Variants in JAG2 observed in about 807,000 individuals in gnomAD.
JAG2 encodes protein jagged-2.
Under a neutral mutation model 141.7 loss-of-function variants are expected in JAG2, and 46 were observed. The observed-to-expected ratio is 0.32, with a 90% CI of 0.26 to 0.42. The LOEUF (loss-of-function observed/expected upper bound fraction) is 0.42, where lower values mean the gene tolerates loss of function less well. Ranked by LOEUF, JAG2 falls within the 10% of genes least tolerant of loss-of-function variation. The pLI is 1.00. For missense variants in JAG2, 1,500 were observed against 1,817.5 expected (o/e 0.83, Z 3.18); for synonymous variants, 862 against 763.5 (o/e 1.13, Z -2.13).
In JAG2 at chr14:105,149,072, A is replaced by G; in HGVS notation, c.1771T>C (p.Ser591Pro). The change falls in exon 14 of 26, where the codon TCA becomes CCA. Residue 591 changes from serine (S) to proline (P), a missense_variant. Coordinates refer to ENST00000331782, the MANE Select transcript of JAG2 (RefSeq NM_002226.5). ...CCAGGCATCCCAGGCCCCGCGTCTG[A>G]CCCGCAGCCATCGATCACTATGGCA... ...GACRVIDGCGSDAGPGMPGTA... is the reference protein window; with the variant it reads ...GACRVIDGCGPDAGPGMPGTA... 1 of 1,609,186 alleles carries G rather than the reference A, an allele frequency of 6.2e-7. No individual in the cohort carries two copies. Among genetic ancestry groups the G allele is most frequent in the Middle Eastern group, 1.8e-4 (1 of 5,622 alleles).
chr14:105,151,324 C>T lies in JAG2; in HGVS notation c.1226G>A (p.Cys409Tyr). 6.2e-7 allele frequency: 1 copy of T among 1,612,760 alleles called. No individual in the cohort carries two copies. The highest frequency in any genetic ancestry group is 8.5e-7 in the Non-Finnish European group (1 of 1,179,992). The part of the protein sequence containing the change: ...TCVDQVDGFE[C>Y]ICPEQWVGAT... ...CCCCACCCACTGCTCGGGGCAGATG[C>T]ACTCAAAGCCGTCCACCTGGTCCAC... The change falls in exon 9 of 26, where the codon TGC (cysteine) becomes TAC (tyrosine). Residue 409 changes from cysteine to tyrosine, a missense_variant. Transcript: ENST00000331782.
Position 105,167,560 on chromosome 14 carries a change from C to T in JAG2, c.417+197G>A, listed in dbSNP as rs1041165921. Among the ~76,000 whole-genome samples, 3 of 147,302 alleles carry T rather than the reference C, an allele frequency of 2.0e-5. No individual in the cohort carries two copies. The highest frequency in any genetic ancestry group is 7.3e-5 in the African/African-American group (3 of 40,920). ...CGCCGCGACCCCGCTCCCGGTGGCCCCGGGGCCCCGGCGCGCCCACGTGGC... is the reference window on the plus strand; with the variant it reads ...CGCCGCGACCCCGCTCCCGGTGGCCTCGGGGCCCCGGCGCGCCCACGTGGC... On this transcript the variant is annotated intron_variant, in intron 2 of 25. Transcript: ENST00000331782. This position sits in a 1 kb window ranked among gnomAD's most constrained non-coding sequence, Gnocchi z 4.8.
At chr14:105,144,319 C>T (rs986917319) in intron 24 of JAG2, among the ~76,000 whole-genome samples, 14 of 152,174 alleles carry the variant, frequency 9.2e-5, no homozygotes, top group Admixed American at 7.2e-4. Context: ...CCTGCCCCTA[C>T]TGCCCTTCCA....
rs1381078327 is a variant in JAG2 at position 105,154,791 on chromosome 14, C to T, written c.788+771G>A. Among the ~76,000 whole-genome samples, 1 of 152,106 alleles carries T rather than the reference C, an allele frequency of 6.6e-6. No individual in the cohort carries two copies. The highest frequency in any genetic ancestry group is 1.5e-5 in the Non-Finnish European group (1 of 68,004). ...AGGGCAGGCATCGCCTCTCCACATC[C>T]AGCTAACCCCGGCCCCGCCTGCTCC... On this transcript the variant is annotated intron_variant, in intron 5 of 25. Transcript: ENST00000331782. The surrounding 1 kb of genome is among the most constrained non-coding windows in gnomAD (Gnocchi z 4.4).
intron 5 of JAG2, 131 bp downstream of exon 5, chr14:105,155,431 G>A (rs1566766132): frequency 3.0e-6 from 3 of 1,003,902 alleles, no homozygotes; most frequent in Non-Finnish European, 4.7e-6. Flanking sequence ...CGAGCTCAGG[G>A]CCCGGCTCTC....
intron 2 of JAG2, among the ~76,000 whole-genome samples, chr14:105,161,060 C>A (rs1003622252): frequency 6.6e-6 from 1 of 151,614 alleles, no homozygotes; most frequent in Non-Finnish European, 1.5e-5. Flanking sequence ...TGAGGCTAAG[C>A]GAAGTGGGTG....
intron 23 of JAG2, among the ~76,000 whole-genome samples, chr14:105,145,370 G>A (rs1328959550): frequency 1.3e-5 from 2 of 152,292 alleles, no homozygotes; most frequent in East Asian, 1.9e-4. Context: ...TGGGAGACAG[G>A]GGCCCAGCTC....
chr14:105,144,169 C>A (rs1449608926), intron 24 of JAG2, among the ~76,000 whole-genome samples: 2 of 151,848 alleles, frequency 1.3e-5, no homozygotes, highest in Admixed American at 6.5e-5. Context: ...CCAGCCCCCA[C>A]CCCCACCTAT....
At position 105,150,660 on chromosome 14, in the gene JAG2, G is replaced by C. The variant is rs764287178; in HGVS notation, c.1546C>G (p.Leu516Val). Residue 516 changes from leucine to valine, a missense_variant, in exon 12 of 26, where the codon CTG becomes GTG. Leu to Val is a conservative substitution (Grantham distance 32, BLOSUM62 1). Around this residue, in one of 3 missense-constraint regions of JAG2, gnomAD observed 875 missense variants for 1,202.2 expected, o/e 0.73. Transcript: ENST00000331782. Reference sequence around the variant, plus strand: ...CAGTGGCAGTGGAAGCCGTCGGCCAGGTCCTCGCAGAGGCCGCCGCTGTGG... The same window carrying C: ...CAGTGGCAGTGGAAGCCGTCGGCCACGTCCTCGCAGAGGCCGCCGCTGTGG... ...PCHSGGLCED[L>V]ADGFHCHCPQ... is the part of the protein sequence containing the mutation. The C allele has an allele frequency of 6.5e-7, 1 of 1,550,170 alleles. No individual in the cohort carries two copies. The highest frequency in any genetic ancestry group is 8.7e-7 in the Non-Finnish European group (1 of 1,146,872).
intron 2 of JAG2, among the ~76,000 whole-genome samples, chr14:105,164,029 T>C (rs587610658): frequency 6.6e-6 from 1 of 152,022 alleles, no homozygotes; most frequent in Non-Finnish European, 1.5e-5. Flanking sequence ...AAAGACACCA[T>C]GGAGCAGCCC....
At position 105,142,822 on chromosome 14, in the gene JAG2, A is replaced by G; in HGVS notation, c.3590T>C (p.Leu1197Pro). 3 of 1,610,958 alleles carry G rather than the reference A, an allele frequency of 1.9e-6. No individual in the cohort carries two copies. The highest frequency in any genetic ancestry group is 2.5e-6 in the Non-Finnish European group (3 of 1,179,032). Residue 1197 changes from leucine to proline, a missense_variant, in exon 26 of 26, where the codon CTC becomes CCC. Physicochemically the swap from Leu to Pro is moderately conservative, Grantham distance 98. Transcript: ENST00000331782. ...EEDSLEAEKF[L>P]SHKFTKDPGR... is the part of the protein sequence containing the mutation. ...AGGATCTTTGGTGAATTTGTGTGAGAGGAACTTCTCCGCCTCCAGGGAGTC... is the reference window on the plus strand; with the variant it reads ...AGGATCTTTGGTGAATTTGTGTGAGGGGAACTTCTCCGCCTCCAGGGAGTC...
chr14:105,148,489 G>T, intron 15 of JAG2, 50 bp from the exon 16 acceptor site: 1 of 1,409,120 alleles, frequency 7.1e-7, no homozygotes, highest in Non-Finnish European at 9.9e-7. Flanking sequence ...GGCGCTCAGG[G>T]AGGGCTTCCC....
rs1422152305 is a variant in JAG2 at position 105,168,404 on chromosome 14, C to G, written c.17G>C (p.Arg6Pro). 3 of 987,474 alleles carry G rather than the reference C, an allele frequency of 3.0e-6. No homozygotes were observed. The highest frequency in any genetic ancestry group is 4.5e-5 in the Admixed American group (1 of 22,316). 61.2% of individuals were successfully genotyped at this position (987,474 alleles called of 1,614,324 possible). A position where few individuals can be genotyped will look rare whatever the true frequency, so the allele number is the denominator to read the frequency against. MRAQGRGRLPRRLLLL... is the reference protein window; with the variant it reads MRAQGPGRLPRRLLLL... ...CAGCAGCCGCCGGGGAAGGCGCCCC[C>G]GGCCCTGCGCCCGCATTGCCCCCGC... is the stretch of plus-strand genomic sequence containing the variant. The change falls in exon 1 of 26, where the codon CGG (arginine) becomes CCG (proline). Residue 6 changes from arginine (R) to proline (P), a missense_variant. By Grantham distance (103) the Arg-to-Pro change is moderately radical. Transcript: ENST00000331782.
At position 105,144,256 on chromosome 14, in the gene JAG2, A is replaced by T. The variant is rs373159921; in HGVS notation, c.3085-618T>A. Among the ~76,000 whole-genome samples, 205 of 135,544 alleles carry T rather than the reference A, an allele frequency of 1.5e-3. 1 individual carries two copies. Among genetic ancestry groups the T allele is most frequent in the African/African-American group, 5.6e-3 (196 of 34,894 alleles). The allele number at this position is 135,544 out of a possible 152,430, so 88.9% of individuals were successfully genotyped here. ...AACCCGGGGCTGTGCCCCTGCCTCC[A>T]CCACATCCCTGATGGCGCCCTGACC... On this transcript the variant is annotated intron_variant, in intron 24 of 25. Transcript: ENST00000331782.
At chr14:105,162,685 A>AGACCCAGGGCACCCCAGTACCAG (rs1566770206) in intron 2 of JAG2, among the ~76,000 whole-genome samples, 1 of 50,992 alleles carries the variant, frequency 2.0e-5, no homozygotes, top group African/African-American at 6.5e-5. Context: ...CTCAGGTCCA[A>AGACCCAGGGCACCCCAGTACCAG]GGCACCCAAA....
Position 105,167,591 on chromosome 14 carries a change from G to A in JAG2, c.417+166C>T, listed in dbSNP as rs1013822337. ...CCCCGGCGCGCCCACGTGGCCAGGCGCGGACCAAGTCCCCAGAGCACGCGC... is the reference window on the plus strand; with the variant it reads ...CCCCGGCGCGCCCACGTGGCCAGGCACGGACCAAGTCCCCAGAGCACGCGC... On this transcript the variant is annotated intron_variant, in intron 2 of 25. Coordinates refer to ENST00000331782, the MANE Select transcript of JAG2 (RefSeq NM_002226.5). The surrounding 1 kb of genome is among the most constrained non-coding windows in gnomAD (Gnocchi z 4.8). 2.0e-5 allele frequency among the ~76,000 whole-genome samples: 3 copies of A among 147,996 alleles called. No individual in the cohort carries two copies. Among genetic ancestry groups the A allele is most frequent in the Admixed American group, 1.3e-4 (2 of 14,922 alleles).
Position 105,162,790 on chromosome 14 carries a change from CCCAAAGCT to C in JAG2, c.417+4959_417+4966del, listed in dbSNP as rs1289516236. Among the ~76,000 whole-genome samples, 1,059 of 142,160 alleles carry C rather than the reference CCCAAAGCT, an allele frequency of 7.4e-3. 2 individuals carry two copies. Among genetic ancestry groups the C allele is most frequent in the African/African-American group, 0.03 (1,006 of 33,652 alleles). 93.3% of individuals were successfully genotyped at this position (142,160 alleles called of 152,430 possible). A position where few individuals can be genotyped will look rare whatever the true frequency, so the allele number is the denominator to read the frequency against. The stretch of plus-strand genomic sequence containing the variant: ...CCAGTGTACCCACAGTCCAGGGCAC[CCCAAAGCT>C]CAGGGCACTCCAGGTCCAGGGCACC... On this transcript the variant is annotated intron_variant, in intron 2 of 25. Coordinates refer to ENST00000331782, the MANE Select transcript of JAG2 (RefSeq NM_002226.5).
At chr14:105,144,299 T>TA (rs1425465107) in intron 24 of JAG2, among the ~76,000 whole-genome samples, 3 of 151,950 alleles carry the variant, frequency 2.0e-5, no homozygotes, top group Non-Finnish European at 4.4e-5. Flanking sequence ...GCACACTTCT[T>TA]ACATCTTCCC....
Position 105,163,868 on chromosome 14 carries a change from G to A in JAG2, c.417+3889C>T, listed in dbSNP as rs190290099. On this transcript the variant is annotated intron_variant, in intron 2 of 25. Coordinates refer to ENST00000331782, the MANE Select transcript of JAG2 (RefSeq NM_002226.5). ...CCTAGGGTCTGGGGACAGGGACCCC[G>A]CTCAGGCCTGGGGTCTGGGGATAGC... Among the ~76,000 whole-genome samples the A allele has an allele frequency of 1.8e-3, 274 of 152,166 alleles. 1 individual carries two copies. Among genetic ancestry groups the A allele is most frequent in the African/African-American group, 6.2e-3 (258 of 41,528 alleles).
Sources: gnomAD v4.1 joint callset for allele counts (sites outside exome capture counted in the v4.1 genomes callset) on GRCh38, gnomAD v4.1.1 for gene constraint, gnomAD v4.1.1 regional missense constraint, Gnocchi (gnomAD v3.1) non-coding constraint, MANE v1.5 for transcripts, NCBI Gene and HGNC (gene_info 2026-07-23, HGNC 2026-07-21) for gene names.